Variants in SRP72 observed in about 807,000 individuals in gnomAD.
SRP72 encodes signal recognition particle subunit SRP72.
SRP72 carries 49 observed loss-of-function variants against 96.3 expected under a neutral mutation model. That is an observed-to-expected ratio of 0.51 (90% CI 0.40 to 0.65). The LOEUF is 0.65. SRP72 is among the 30% of genes least tolerant of loss of function. The pLI is 0.00. For missense variants in SRP72, 736 were observed against 793.3 expected (o/e 0.93, Z 0.87); for synonymous variants, 267 against 275.2 (o/e 0.97, Z 0.30).
intron 11 of SRP72, 78 bp from the exon 12 acceptor site, chr4:56,487,871 A>G (rs1324739348): frequency 1.8e-6 from 2 of 1,085,298 alleles, no homozygotes; most frequent in Non-Finnish European, 2.7e-6. Context: ...AAGTAGTGGG[A>G]GGAAGTAAAA....
intron 8 of SRP72, among the ~76,000 whole-genome samples, chr4:56,480,265 A>G (rs1287339138): frequency 1.3e-5 from 2 of 152,086 alleles, no homozygotes; most frequent in African/African-American, 4.8e-5. Context: ...TTGTCAGGAC[A>G]AATTTTTTTT....
chr4:56,474,542 C>CTT (rs112716931), intron 5 of SRP72, 151 bp downstream of exon 5: 1,140 of 613,004 alleles, frequency 1.9e-3, no homozygotes, highest in South Asian at 2.6e-3. Context: ...CTTTCTCTCT[C>CTT]TTTTTTTTTT....
At position 56,484,831 on chromosome 4, in the gene SRP72, A is replaced by G. The variant is rs1304699975; in HGVS notation, c.1053A>G (p.Glu351=). The change falls in exon 10 of 19, where the codon GAA becomes GAG. Residue 351 remains glutamate, a synonymous_variant. Coordinates refer to ENST00000642900, the MANE Select transcript of SRP72 (RefSeq NM_006947.4). ...TCCAAGCTGCCCAGCTCTGCCGTGAAAAGCAGCACACAAAAGCAATAGAGC... is the reference window on the plus strand; with the variant it reads ...TCCAAGCTGCCCAGCTCTGCCGTGAGAAGCAGCACACAAAAGCAATAGAGC... The part of the protein sequence containing the change: ...VLIQAAQLCR[E]KQHTKAIELL... 13 of 1,613,880 alleles carry G rather than the reference A, an allele frequency of 8.1e-6. No homozygotes were observed. Among genetic ancestry groups the G allele is most frequent in the Non-Finnish European group, 1.1e-5 (13 of 1,179,978 alleles).
Position 56,490,357 on chromosome 4 carries a change from T to G in SRP72, c.1345T>G (p.Leu449Val). 1 of 1,613,754 alleles carries G rather than the reference T, an allele frequency of 6.2e-7. No homozygotes were observed. The highest frequency in any genetic ancestry group is 1.1e-5 in the South Asian group (1 of 90,944). ...GCCAAAATCTCCTGCTCATTTGTCC[T>G]TGATAAGAGAAGCTGCAAACTTCAA... ...HQPKSPAHLS[L>V]IREAANFKLK... The change falls in exon 14 of 19, where the codon TTG (leucine) becomes GTG (valine). Residue 449 changes from leucine (L) to valine (V), a missense_variant. Physicochemically the swap from Leu to Val is conservative, Grantham distance 32. This residue lies in a region of SRP72 where 388 missense variants were observed against 431.8 expected (regional missense o/e 0.90). Transcript: ENST00000642900.
chr4:56,476,454 C>T (rs184514807), intron 5 of SRP72: 2 of 538,592 alleles, frequency 3.7e-6, no homozygotes, highest in Admixed American at 7.7e-5. Flanking sequence ...TTAGCACAGA[C>T]ACAACAAATG....
chr4:56,499,752 T>G (rs1338805082), intron 17 of SRP72, among the ~76,000 whole-genome samples: 1 of 152,192 alleles, frequency 6.6e-6, no homozygotes. Context: ...TAGGAACACT[T>G]TAACATTGTT....
At chr4:56,467,861 C>T in intron 1 of SRP72, 117 bp downstream of exon 1, 1 of 1,023,624 alleles carries the variant, frequency 9.8e-7, no homozygotes, top group Non-Finnish European at 1.3e-6. Flanking sequence ...CCCGAAACCC[C>T]CCCGTCTATT....
intron 4 of SRP72, 40 bp downstream of exon 4, chr4:56,474,237 T>C: frequency 6.2e-7 from 1 of 1,613,218 alleles, no homozygotes; most frequent in Non-Finnish European, 8.5e-7. Context: ...TCATGAATTA[T>C]TATTCATATT....
intron 16 of SRP72, among the ~76,000 whole-genome samples, chr4:56,494,054 G>A (rs749337742): frequency 6.6e-6 from 1 of 152,166 alleles, no homozygotes; most frequent in Non-Finnish European, 1.5e-5. Context: ...TGAGGAAGAT[G>A]AGGACGAGGT....
chr4:56,472,335 T>G (rs1329743079), intron 3 of SRP72, among the ~76,000 whole-genome samples: 1 of 146,008 alleles, frequency 6.8e-6, no homozygotes, highest in East Asian at 2.1e-4. Context: ...AGCAAAACCC[T>G]CTTAAAGTTT....
chr4:56,481,534 TAAG>T (rs925521427), intron 8 of SRP72, among the ~76,000 whole-genome samples: 10 of 152,066 alleles, frequency 6.6e-5, no homozygotes, highest in Non-Finnish European at 4.4e-5. Flanking sequence ...TTTGCTTGGC[TAAG>T]AAGAAGGGGC....
chr4:56,496,705 C>T (rs932528787), intron 17 of SRP72, among the ~76,000 whole-genome samples: 13 of 152,028 alleles, frequency 8.6e-5, no homozygotes, highest in African/African-American at 2.9e-4. Context: ...TTCATGCTCC[C>T]GGCTGGGCAT....
chr4:56,490,532 T>G (rs752881020), intron 14 of SRP72, 36 bp from the exon 15 acceptor site: 18 of 1,606,272 alleles, frequency 1.1e-5, no homozygotes, highest in Non-Finnish European at 1.4e-5. Context: ...TCCAGTTTTA[T>G]AAACAGTTCA....
intron 17 of SRP72, among the ~76,000 whole-genome samples, chr4:56,497,950 T>C (rs959941856): frequency 3.3e-5 from 5 of 152,210 alleles, no homozygotes; most frequent in Non-Finnish European, 7.3e-5. Flanking sequence ...TGACTTTCCT[T>C]TCTCCTAGCC....
Position 56,474,111 on chromosome 4 carries a change from A to T in SRP72, c.412A>T (p.Asn138Tyr), listed in dbSNP as rs1255210520. Reference protein sequence around the residue: ...CLAVYRDLVRNSQDDYDEERK... With the variant: ...CLAVYRDLVRYSQDDYDEERK... Reference sequence around the variant, plus strand: ...AGCAGTGTATAGAGATCTCGTCCGAAACTCCCAAGATGATTATGATGAGGA... The same window carrying T: ...AGCAGTGTATAGAGATCTCGTCCGATACTCCCAAGATGATTATGATGAGGA... The change falls in exon 4 of 19, where the codon AAC becomes TAC. Residue 138 changes from asparagine (N) to tyrosine (Y), a missense_variant. Transcript: ENST00000642900. 1 of 1,614,152 alleles carries T rather than the reference A, an allele frequency of 6.2e-7. No individual in the cohort carries two copies. Among genetic ancestry groups the T allele is most frequent in the Admixed American group, 1.7e-5 (1 of 60,034 alleles).
At chr4:56,472,054 G>A (rs1365127996) in intron 3 of SRP72, among the ~76,000 whole-genome samples, 1 of 152,042 alleles carries the variant, frequency 6.6e-6, no homozygotes, top group Non-Finnish European at 1.5e-5. Flanking sequence ...GACTTCCTCA[G>A]GTAATCAGAA....
rs1415118456 is a variant in SRP72 at position 56,478,454 on chromosome 4, G to C, written c.718G>C (p.Gly240Arg). The change falls in exon 7 of 19, where the codon GGT becomes CGT. Residue 240 changes from glycine (G) to arginine (R), a missense_variant. By Grantham distance (125) the Gly-to-Arg change is moderately radical. Around this residue, in one of 3 missense-constraint regions of SRP72, gnomAD observed 329 missense variants for 319.0 expected, o/e 1.03. Transcript: ENST00000642900. ...GATGGCTTATATTCTGCAGCTTCAG[G>C]GTCGAACAGAGGAGGCTTTGCAACT... is the stretch of plus-strand genomic sequence containing the variant. Reference protein sequence around the residue: ...GQMAYILQLQGRTEEALQLYN... With the variant: ...GQMAYILQLQRRTEEALQLYN... 2 of 1,613,700 alleles carry C rather than the reference G, an allele frequency of 1.2e-6. No individual in the cohort carries two copies. Among genetic ancestry groups the C allele is most frequent in the Non-Finnish European group, 8.5e-7 (1 of 1,179,960 alleles).
chr4:56,479,574 A>G (rs1720398466), intron 8 of SRP72, among the ~76,000 whole-genome samples: 1 of 145,296 alleles, frequency 6.9e-6, no homozygotes, highest in Non-Finnish European at 1.5e-5. Flanking sequence ...TGGTGCAGAC[A>G]TGACTCACTA....
intron 10 of SRP72, 188 bp from the exon 11 acceptor site, chr4:56,486,134 TTAG>T (rs1720701620): frequency 1.2e-5 from 6 of 485,686 alleles, no homozygotes; most frequent in Non-Finnish European, 2.3e-5. Context: ...GCACTTACTT[TTAG>T]AGCATACCTT....
Sources: allele counts gnomAD v4.1 joint callset (sites outside exome capture counted in the v4.1 genomes callset), GRCh38; gene constraint gnomAD v4.1.1; regional missense constraint gnomAD v4.1.1; transcripts MANE v1.5; gene names NCBI Gene and HGNC (gene_info 2026-07-23, HGNC 2026-07-21).